PDE6B: variants seen among roughly 807,000 people sequenced by gnomAD.
PDE6B encodes the protein phosphodiesterase 6B.
In PDE6B, 106 loss-of-function variants were observed where a neutral mutation model predicts 109.0. The observed-to-expected ratio is 0.97, with a 90% CI of 0.83 to 1.14. PDE6B has a LOEUF of 1.14. Ranked by LOEUF, PDE6B falls within the 50% of genes most tolerant of loss-of-function variation. PDE6B has a pLI of 0.00. For synonymous variants in PDE6B, 490 were observed against 471.3 expected (o/e 1.04, Z -0.51); for missense variants, 1,193 against 1,155.6 (o/e 1.03, Z -0.47).
chr4:654,159 G>A lies in PDE6B; in HGVS notation c.927+5G>A, dbSNP rs920662600. The A allele has an allele frequency of 5.6e-6, 9 of 1,612,496 alleles. No individual in the cohort carries two copies. Among genetic ancestry groups the A allele is most frequent in the African/African-American group, 1.3e-5 (1 of 74,918 alleles). ...CCACGCACGCCTGATGGCCGGGTGAGTCTTAGGGGAGGGGCCCAGGGCCTG... is the reference window on the plus strand; with the variant it reads ...CCACGCACGCCTGATGGCCGGGTGAATCTTAGGGGAGGGGCCCAGGGCCTG... On this transcript the variant is annotated splice_donor_5th_base_variant and intron_variant, in intron 5 of 21. Transcript: ENST00000496514.
intron 1 of PDE6B, among the ~76,000 whole-genome samples, chr4:631,859 G>C (rs569608426): frequency 2.0e-5 from 3 of 151,200 alleles, no homozygotes; most frequent in African/African-American, 7.3e-5. Flanking sequence ...TGAGGGTCAC[G>C]TTGTGTGGAT....
At position 636,709 on chromosome 4, in the gene PDE6B, T is replaced by C. The variant is rs894330563; in HGVS notation, c.711+740T>C. Among the ~76,000 whole-genome samples the C allele has an allele frequency of 5.3e-5, 8 of 152,226 alleles. No homozygotes were observed. Among genetic ancestry groups the C allele is most frequent in the Non-Finnish European group, 1.2e-4 (8 of 68,032 alleles). ...TCTTGTTCTGCCTGCGGATGCTGCC[T>C]GGCCCTGGTCACCTGCTGCGAGCCT... On this transcript the variant is annotated intron_variant, in intron 3 of 21. Coordinates refer to ENST00000496514, the MANE Select transcript of PDE6B (RefSeq NM_000283.4). The surrounding 1 kb of genome is among the most constrained non-coding windows in gnomAD (Gnocchi z 4.5).
At chr4:635,761 A>T (rs770518896) in intron 2 of PDE6B, 119 bp from the exon 3 acceptor site, 129 of 716,890 alleles carry the variant, frequency 1.8e-4, no homozygotes, top group Non-Finnish European at 3.3e-4. Flanking sequence ...CCTGTGGGGC[A>T]CAGCTTCCTG....
rs779604815 is a variant in PDE6B at position 663,222 on chromosome 4, G to A, written c.1920+35G>A. 2.8e-5 allele frequency: 34 copies of A among 1,200,404 alleles called. No homozygotes were observed. Among genetic ancestry groups the A allele is most frequent in the Non-Finnish European group, 2.5e-5 (20 of 802,568 alleles). 74.4% of individuals were successfully genotyped at this position (1,200,404 alleles called of 1,614,324 possible). On this transcript the variant is annotated intron_variant, in intron 15 of 21. Transcript: ENST00000496514. This position sits in a 1 kb window ranked among gnomAD's most constrained non-coding sequence, Gnocchi z 4.0. ...CTCACCCTCGGTTTCTGCTGTGGGC[G>A]CTGGGGACGCAGCGTCCGCAGGACG...
rs771210929 is a variant in PDE6B, at chr4:670,244, T to A, written c.*137T>A. 2.5e-5 allele frequency: 33 copies of A among 1,310,166 alleles called. No homozygotes were observed. In the Admixed American group the frequency reaches 4.6e-4, roughly 18 times the overall value. The allele number at this position is 1,310,166 out of a possible 1,614,324, so 81.2% of individuals were successfully genotyped here. A position where few individuals can be genotyped will look rare whatever the true frequency, so the allele number is the denominator to read the frequency against. On this transcript the variant is annotated 3_prime_UTR_variant, in exon 22 of 22. Transcript: ENST00000496514. ...AGATCATTCTGGATATTTTAATTTT[T>A]TTTTTTTTTTTTTTTTGAGATGGAG... is the stretch of plus-strand genomic sequence containing the variant.
At chr4:653,744 A>T in intron 3 of PDE6B, 108 bp from the exon 4 acceptor site, 1 of 1,249,212 alleles carries the variant, frequency 8.0e-7, no homozygotes, top group Non-Finnish European at 1.2e-6. Context: ...AGGTGGTCAG[A>T]TCAGGGAGCG....
chr4:653,908 G>C lies in PDE6B; in HGVS notation c.768G>C (p.Gln256His), dbSNP rs1369159322. Residue 256 changes from glutamine (Q) to histidine (H), a missense_variant, in exon 4 of 22, where the codon CAG (glutamine) becomes CAC (histidine). By Grantham distance (24) the Gln-to-His change is conservative (BLOSUM62 0). Transcript: ENST00000496514. ...VFEELTDIERQFHKAFYTVRA... is the reference protein window; with the variant it reads ...VFEELTDIERHFHKAFYTVRA... ...AGGAGCTGACGGACATCGAGAGGCAGTTCCACAAGGCCTTCTACACGGTGC... is the reference window on the plus strand; with the variant it reads ...AGGAGCTGACGGACATCGAGAGGCACTTCCACAAGGCCTTCTACACGGTGC... The C allele has an allele frequency of 1.2e-6, 2 of 1,613,938 alleles. No individual in the cohort carries two copies. The highest frequency in any genetic ancestry group is 2.7e-5 in the African/African-American group (2 of 75,064).
chr4:652,997 TACAC>T (rs1188803245), intron 3 of PDE6B: 6 of 170,138 alleles, frequency 3.5e-5, no homozygotes, highest in African/African-American at 1.4e-4. Flanking sequence ...ACCCCATCAA[TACAC>T]ACAATTATTC....
chr4:642,288 A>C (rs1384451893), intron 3 of PDE6B, among the ~76,000 whole-genome samples: 2 of 151,922 alleles, frequency 1.3e-5, no homozygotes, highest in African/African-American at 4.8e-5. Context: ...CCTGACCAAC[A>C]TGGAGAAAAA....
chr4:658,444 C>T (rs1249281510), intron 10 of PDE6B, among the ~76,000 whole-genome samples: 16 of 125,192 alleles, frequency 1.3e-4, no homozygotes, highest in African/African-American at 4.3e-4. Context: ...CATGGCTGTG[C>T]GGTGGGGGCA....
intron 1 of PDE6B, among the ~76,000 whole-genome samples, chr4:627,536 C>T (rs1734172724): frequency 6.6e-6 from 1 of 152,088 alleles, no homozygotes; most frequent in South Asian, 2.1e-4. Flanking sequence ...TTCATCTCCA[C>T]CTCCCTCCTA....
chr4:634,805 A>G lies in PDE6B; in HGVS notation c.597A>G (p.Pro199=), dbSNP rs764308125. The part of the protein sequence containing the change: ...VIMAVNKLNG[P]FFTSEDEDVF... ...TGGCAGTGAACAAGCTCAACGGCCC[A>G]TTCTTCACCAGCGAAGACGAAGATG... The change falls in exon 2 of 22, where the codon CCA becomes CCG. Residue 199 remains proline (P), a synonymous_variant. Coordinates refer to ENST00000496514, the MANE Select transcript of PDE6B (RefSeq NM_000283.4). The G allele has an allele frequency of 1.9e-6, 3 of 1,613,892 alleles. No individual in the cohort carries two copies. The highest frequency in any genetic ancestry group is 2.5e-6 in the Non-Finnish European group (3 of 1,179,840).
rs71602493 is a variant in PDE6B at position 653,185 on chromosome 4, G to A, written c.712-667G>A. 5.3e-3 allele frequency: 5,314 copies of A among 999,818 alleles called. 18 individuals carry two copies. Among genetic ancestry groups the A allele is most frequent in the Non-Finnish European group, 6.0e-3 (5,068 of 837,792 alleles). The allele number at this position is 999,818 out of a possible 1,614,324, so 61.9% of individuals were successfully genotyped here. On this transcript the variant is annotated intron_variant, in intron 3 of 21. Transcript: ENST00000496514. ...GAGAGCTGGGCTAGGACACCGCAGCGGAGGAGAGGGAGCTGGCACCATGCG... is the reference window on the plus strand; with the variant it reads ...GAGAGCTGGGCTAGGACACCGCAGCAGAGGAGAGGGAGCTGGCACCATGCG...
chr4:643,205 G>A (rs1203394712), intron 3 of PDE6B, among the ~76,000 whole-genome samples: 1 of 152,066 alleles, frequency 6.6e-6, no homozygotes, highest in Non-Finnish European at 1.5e-5. Context: ...CTACTCAGGA[G>A]GCTGAGGCAG....
In PDE6B at chr4:635,921, G is replaced by T; in HGVS notation, c.663G>T (p.Lys221Asn). The change falls in exon 3 of 22, where the codon AAG (lysine) becomes AAT (asparagine). Residue 221 changes from lysine to asparagine, a missense_variant. Physicochemically the swap from Lys to Asn is moderately conservative, Grantham distance 94 (BLOSUM62 0). Coordinates refer to ENST00000496514, the MANE Select transcript of PDE6B (RefSeq NM_000283.4). Reference sequence around the variant, plus strand: ...TGAATTTTGCCACGTTGTACCTGAAGATCTATCACCTGAGCTACCTCCACA... The same window carrying T: ...TGAATTTTGCCACGTTGTACCTGAATATCTATCACCTGAGCTACCTCCACA... ...KYLNFATLYL[K>N]IYHLSYLHNC... 1 of 1,609,004 alleles carries T rather than the reference G, an allele frequency of 6.2e-7. No individual in the cohort carries two copies. Among genetic ancestry groups the T allele is most frequent in the Non-Finnish European group, 8.5e-7 (1 of 1,175,278 alleles).
chr4:662,650 C>A lies in PDE6B; in HGVS notation c.1832+32C>A. The A allele has an allele frequency of 7.5e-7, 1 of 1,326,598 alleles. No individual in the cohort carries two copies. Among genetic ancestry groups the A allele is most frequent in the Non-Finnish European group, 1.1e-6 (1 of 918,174 alleles). 82.2% of individuals were successfully genotyped at this position (1,326,598 alleles called of 1,614,324 possible). ...ACCTCAGGGCGGGCATGTGAATTAG[C>A]CCTAAATCAACTCCACGCCCTTGGC... On this transcript the variant is annotated intron_variant, in intron 14 of 21. Transcript: ENST00000496514. This position sits in a 1 kb window ranked among gnomAD's most constrained non-coding sequence, Gnocchi z 4.3.
rs772470149 is a variant in PDE6B, at chr4:670,026, T to A, written c.2504-20T>A. On this transcript the variant is annotated intron_variant, in intron 21 of 21. Coordinates refer to ENST00000496514, the MANE Select transcript of PDE6B (RefSeq NM_000283.4). ...TGTGCACAGGTGGTTCCACTCACCA[T>A]CTTCTGTCTTCTCTTGCAGTAGGCA... is the stretch of plus-strand genomic sequence containing the variant. 1.2e-6 allele frequency: 2 copies of A among 1,608,786 alleles called. No individual in the cohort carries two copies. The highest frequency in any genetic ancestry group is 3.3e-5 in the Admixed American group (2 of 59,998).
intron 3 of PDE6B, chr4:651,631 A>G (rs1735563902): frequency 6.6e-6 from 1 of 150,390 alleles, no homozygotes; most frequent in Non-Finnish European, 1.5e-5. Flanking sequence ...GGCTGTGGAG[A>G]GCCGTCTCCA....
At chr4:627,860 C>T (rs1485844041) in intron 1 of PDE6B, among the ~76,000 whole-genome samples, 1 of 152,068 alleles carries the variant, frequency 6.6e-6, no homozygotes, top group Non-Finnish European at 1.5e-5. Flanking sequence ...CCCTTTGTCC[C>T]CACCCGGCTG....
Sources: allele counts gnomAD v4.1 joint callset (sites outside exome capture counted in the v4.1 genomes callset), GRCh38; gene constraint gnomAD v4.1.1; non-coding constraint Gnocchi (gnomAD v3.1); transcripts MANE v1.5; gene names NCBI Gene and HGNC (gene_info 2026-07-23, HGNC 2026-07-21).